PPP2R5A: variants seen among roughly 807,000 people sequenced by gnomAD.
PPP2R5A encodes serine/threonine-protein phosphatase 2A 56 kDa regulatory subunit alpha isoform.
PPP2R5A carries 25 observed loss-of-function variants against 64.2 expected under a neutral mutation model. That is an observed-to-expected ratio of 0.39 (90% CI 0.28 to 0.54). PPP2R5A has a LOEUF of 0.54. PPP2R5A is among the 20% of genes least tolerant of loss of function. The pLI is 0.67. For missense variants in PPP2R5A, 425 were observed against 576.3 expected, an observed-to-expected ratio of 0.74 and a Z score of 2.69; for synonymous variants, 198 against 201.2, an observed-to-expected ratio of 0.98 and a Z score of 0.13.
Position 212,308,410 on chromosome 1 carries a change from CT to C in PPP2R5A, c.182-20709del, listed in dbSNP as rs35324374. ...TTACTCAATACATTATGTTGGTACA[CT>C]TTTTTTTTTTTTTTTGAGATGGAGT... On this transcript the variant is annotated intron_variant, in intron 1 of 12. Transcript: ENST00000261461. 5.4e-4 allele frequency among the ~76,000 whole-genome samples: 69 copies of C among 128,468 alleles called. No homozygotes were observed. The Middle Eastern group carries it at 0.026, about 49-fold the overall frequency. The allele number at this position is 128,468 out of a possible 152,430, so 84.3% of individuals were successfully genotyped here. A position where few individuals can be genotyped will look rare whatever the true frequency, so the allele number is the denominator to read the frequency against.
intron 1 of PPP2R5A, among the ~76,000 whole-genome samples, chr1:212,303,078 A>G (rs1262452940): frequency 1.3e-5 from 2 of 152,046 alleles, no homozygotes; most frequent in Non-Finnish European, 2.9e-5. Flanking sequence ...TTGTGTGGAC[A>G]TATGTTTTCA....
chr1:212,331,564 A>G (rs1220058846), intron 2 of PPP2R5A: 2 of 152,182 alleles, frequency 1.3e-5, no homozygotes, highest in Non-Finnish European at 2.9e-5. Context: ...ATAGTTTGAG[A>G]ACATAAATAC....
chr1:212,324,177 G>A (rs1774254), intron 1 of PPP2R5A, among the ~76,000 whole-genome samples: 1,728 of 152,204 alleles, frequency 0.011, 30 homozygotes, highest in African/African-American at 0.039. Flanking sequence ...GTCATTGTGC[G>A]AACATCATAG....
In PPP2R5A at chr1:212,335,361, A is replaced by G. The variant is rs532668195; in HGVS notation, c.480+1763A>G. 7.0e-4 allele frequency among the ~76,000 whole-genome samples: 106 copies of G among 151,798 alleles called. 1 individual carries two copies. Among genetic ancestry groups the G allele is most frequent in the Middle Eastern group, 6.8e-3 (2 of 294 alleles). On this transcript the variant is annotated intron_variant, in intron 3 of 12. Transcript: ENST00000261461. ...ATGGTGGCACATGCCTGTAATCCCA[A>G]CTACTCAGGAGGCTGAGGCAGGAGA...
intron 3 of PPP2R5A, among the ~76,000 whole-genome samples, chr1:212,338,392 G>A (rs149668562): frequency 6.6e-6 from 1 of 152,288 alleles, no homozygotes; most frequent in East Asian, 1.9e-4. Flanking sequence ...GAATTCACTG[G>A]TGAAGTGCCT....
intron 11 of PPP2R5A, 89 bp from the exon 12 acceptor site, chr1:212,358,597 C>A: frequency 2.1e-6 from 2 of 931,480 alleles, no homozygotes; most frequent in Non-Finnish European, 3.3e-6. Context: ...TGAAATCAGC[C>A]AAGCTTTAAC....
At chr1:212,340,285 C>A (rs1659665819) in intron 3 of PPP2R5A, among the ~76,000 whole-genome samples, 1 of 152,130 alleles carries the variant, frequency 6.6e-6, no homozygotes, top group South Asian at 2.1e-4. Context: ...TAAAGCTTTT[C>A]CTACCTATTC....
intron 1 of PPP2R5A, among the ~76,000 whole-genome samples, chr1:212,291,500 G>T (rs999273065): frequency 6.6e-6 from 1 of 152,186 alleles, no homozygotes; most frequent in African/African-American, 2.4e-5. Flanking sequence ...ATTTTTAAAA[G>T]CTCCCAGGGT....
intron 9 of PPP2R5A, 113 bp downstream of exon 9, chr1:212,356,789 TAC>T: frequency 1.5e-6 from 2 of 1,335,902 alleles, no homozygotes; most frequent in South Asian, 2.9e-5. Flanking sequence ...GCGGGAGATG[TAC>T]ACAGACTTGG....
intron 2 of PPP2R5A, chr1:212,331,534 A>G (rs866116949): frequency 6.6e-5 from 10 of 152,154 alleles, no homozygotes; most frequent in African/African-American, 2.2e-4. Flanking sequence ...TTAAACTCCT[A>G]CAGACAATAA....
chr1:212,294,736 C>T (rs888010735), intron 1 of PPP2R5A, among the ~76,000 whole-genome samples: 2 of 152,078 alleles, frequency 1.3e-5, no homozygotes, highest in African/African-American at 4.8e-5. Flanking sequence ...CAGGCAGTTG[C>T]AATTAATGTG....
intron 3 of PPP2R5A, among the ~76,000 whole-genome samples, chr1:212,339,359 T>C (rs1659646364): frequency 6.6e-6 from 1 of 152,122 alleles, no homozygotes; most frequent in African/African-American, 2.4e-5. Context: ...GTATTTTTAG[T>C]AGAGACGGGA....
chr1:212,294,644 A>C (rs1658660845), intron 1 of PPP2R5A, among the ~76,000 whole-genome samples: 1 of 151,746 alleles, frequency 6.6e-6, no homozygotes, highest in Admixed American at 6.5e-5. Flanking sequence ...ATTAAAACTT[A>C]GTAAAGTGAA....
intron 1 of PPP2R5A, among the ~76,000 whole-genome samples, chr1:212,320,493 A>C (rs573242934): frequency 5.2e-4 from 79 of 152,088 alleles, no homozygotes; most frequent in African/African-American, 1.7e-3. Flanking sequence ...GGCTGGACAG[A>C]GGGGCTCCTC....
At chr1:212,304,713 C>G (rs1253994217) in intron 1 of PPP2R5A, among the ~76,000 whole-genome samples, 1 of 149,686 alleles carries the variant, frequency 6.7e-6, no homozygotes, top group East Asian at 2.0e-4. Context: ...CAGGTACATG[C>G]TACCAAGGCC....
intron 1 of PPP2R5A, among the ~76,000 whole-genome samples, chr1:212,289,425 G>A (rs1658562902): frequency 6.6e-6 from 1 of 152,162 alleles, no homozygotes; most frequent in Non-Finnish European, 1.5e-5. Flanking sequence ...TGAGAAAGTT[G>A]AGGCCTAAAA....
At chr1:212,347,633 G>T (rs1032734350) in intron 6 of PPP2R5A, among the ~76,000 whole-genome samples, 1 of 151,006 alleles carries the variant, frequency 6.6e-6, no homozygotes, top group African/African-American at 2.4e-5. Context: ...TCTGCCTCCC[G>T]GGTTCAAGAG....
At chr1:212,291,485 A>C (rs1358039399) in intron 1 of PPP2R5A, among the ~76,000 whole-genome samples, 1 of 152,192 alleles carries the variant, frequency 6.6e-6, no homozygotes, top group Non-Finnish European at 1.5e-5. Flanking sequence ...AAATCCACTT[A>C]CAGTATTTTT....
At chr1:212,322,176 T>G (rs1389755494) in intron 1 of PPP2R5A, among the ~76,000 whole-genome samples, 6 of 129,584 alleles carry the variant, frequency 4.6e-5, no homozygotes, top group African/African-American at 1.4e-4. Context: ...GGGGAGACCG[T>G]GGAAAGAGAG....
Sources: gnomAD v4.1 joint callset for allele counts (sites outside exome capture counted in the v4.1 genomes callset) on GRCh38, gnomAD v4.1.1 for gene constraint, MANE v1.5 for transcripts, NCBI Gene and HGNC (gene_info 2026-07-23, HGNC 2026-07-21) for gene names.